The following FBXL17 variants were observed in gnomAD, a reference collection of about 807,000 sequenced individuals.
FBXL17 encodes the protein F-box and leucine rich repeat protein 17.
In FBXL17, 22 loss-of-function variants were observed where a neutral mutation model predicts 66.2. The observed-to-expected ratio is 0.33, with a 90% CI of 0.24 to 0.47. The LOEUF is 0.47. FBXL17 is among the 20% of genes least tolerant of loss of function. FBXL17 has a pLI of 1.00. For missense variants in FBXL17, 878 were observed against 948.2 expected (o/e 0.93, Z 0.97); for synonymous variants, 474 against 400.5 (o/e 1.18, Z -2.19).
chr5:108,002,254 C>T (rs894595350), intron 7 of FBXL17, among the ~76,000 whole-genome samples: 15 of 147,090 alleles, frequency 1.0e-4, no homozygotes, highest in Admixed American at 7.4e-4. Context: ...GAACTCCTGA[C>T]CTCAGGTGTT....
At chr5:108,035,581 G>A (rs1201761696) in intron 6 of FBXL17, among the ~76,000 whole-genome samples, 2 of 152,016 alleles carry the variant, frequency 1.3e-5, no homozygotes, top group Non-Finnish European at 2.9e-5. Context: ...TGGTCAGGCT[G>A]GTCTCAAACT....
At chr5:108,167,417 T>C (rs1053190482) in intron 6 of FBXL17, among the ~76,000 whole-genome samples, 6 of 147,354 alleles carry the variant, frequency 4.1e-5, no homozygotes, top group African/African-American at 1.3e-4. Flanking sequence ...CTAAGGTGGG[T>C]TCCCATTACC....
intron 5 of FBXL17, among the ~76,000 whole-genome samples, chr5:108,189,425 T>C (rs1753376888): frequency 6.6e-6 from 1 of 151,960 alleles, no homozygotes. Context: ...TTATTTTTCA[T>C]GAGAGGACGG....
chr5:108,313,275 C>G (rs531119496), intron 4 of FBXL17, among the ~76,000 whole-genome samples: 1 of 152,184 alleles, frequency 6.6e-6, no homozygotes, highest in South Asian at 2.1e-4. Flanking sequence ...CTGGAAGAAG[C>G]CTATCTACCA....
intron 6 of FBXL17, among the ~76,000 whole-genome samples, chr5:108,102,281 T>C (rs1217924005): frequency 1.3e-5 from 2 of 152,190 alleles, no homozygotes; most frequent in Non-Finnish European, 2.9e-5. Flanking sequence ...TCCGTATCTG[T>C]TTTCAGTATC....
chr5:108,025,051 A>G (rs1754747088), intron 6 of FBXL17, among the ~76,000 whole-genome samples: 1 of 152,324 alleles, frequency 6.6e-6, no homozygotes, highest in East Asian at 1.9e-4. Flanking sequence ...CCAAATTTTT[A>G]TGTTTTTTTG....
intron 6 of FBXL17, among the ~76,000 whole-genome samples, chr5:108,052,143 A>G (rs1342129017): frequency 6.7e-6 from 1 of 149,044 alleles, no homozygotes; most frequent in Non-Finnish European, 1.5e-5. Context: ...AAGAAAAAAG[A>G]AAAAAGACAA....
In FBXL17 at chr5:107,980,726, G is replaced by A. The variant is rs1306304132; in HGVS notation, c.1822+40199C>T. On this transcript the variant is annotated intron_variant, in intron 7 of 8. Coordinates refer to ENST00000542267, the MANE Select transcript of FBXL17 (RefSeq NM_001163315.3). ...GGCTGGAGTGCAGTGGCGCGATCTCGGCTCACTGTCAGCTCCGCCTCCCGG... is the reference window on the plus strand; with the variant it reads ...GGCTGGAGTGCAGTGGCGCGATCTCAGCTCACTGTCAGCTCCGCCTCCCGG... Among the ~76,000 whole-genome samples, 6 of 135,820 alleles carry A rather than the reference G, an allele frequency of 4.4e-5. No homozygotes were observed. In the South Asian group the frequency reaches 7.4e-4, roughly 17 times the overall value. 89.1% of individuals were successfully genotyped at this position (135,820 alleles called of 152,430 possible). A position where few individuals can be genotyped will look rare whatever the true frequency, so the allele number is the denominator to read the frequency against.
intron 7 of FBXL17, among the ~76,000 whole-genome samples, chr5:107,887,037 T>C (rs1748995781): frequency 1.3e-5 from 2 of 152,154 alleles, no homozygotes; most frequent in African/African-American, 4.8e-5. Flanking sequence ...GAAAACTAGT[T>C]AAATTTAAAT....
intron 4 of FBXL17, among the ~76,000 whole-genome samples, chr5:108,333,928 A>G (rs1760255084): frequency 6.6e-6 from 1 of 152,188 alleles, no homozygotes; most frequent in South Asian, 2.1e-4. Context: ...CTACGTGCCA[A>G]GCTCAGTACT....
chr5:108,126,692 T>C (rs946896698), intron 6 of FBXL17, among the ~76,000 whole-genome samples: 6 of 139,652 alleles, frequency 4.3e-5, no homozygotes, highest in Non-Finnish European at 6.2e-5. Flanking sequence ...TATACACACA[T>C]ACATAACATG....
chr5:108,157,723 TA>T (rs535503786), intron 6 of FBXL17, among the ~76,000 whole-genome samples: 9 of 151,656 alleles, frequency 5.9e-5, no homozygotes, highest in Admixed American at 5.9e-4. Flanking sequence ...AAGAAAATAT[TA>T]AAAAAAACTG....
chr5:108,372,539 A>G (rs928354801), intron 1 of FBXL17, among the ~76,000 whole-genome samples: 1 of 152,170 alleles, frequency 6.6e-6, no homozygotes, highest in African/African-American at 2.4e-5. Context: ...GAAAAATGCA[A>G]CTCGTGAAAA....
intron 7 of FBXL17, among the ~76,000 whole-genome samples, chr5:107,965,774 C>T (rs1210012627): frequency 6.6e-6 from 1 of 152,098 alleles, no homozygotes; most frequent in Non-Finnish European, 1.5e-5. Flanking sequence ...ATTTAGTGAT[C>T]TTGAAATAGA....
chr5:108,254,730 C>G (rs547883478), intron 4 of FBXL17, among the ~76,000 whole-genome samples: 1 of 152,128 alleles, frequency 6.6e-6, no homozygotes, highest in East Asian at 1.9e-4. Flanking sequence ...TATTTTCCCC[C>G]ACAAAGGTGA....
chr5:107,971,626 C>A (rs1011244536), intron 7 of FBXL17, among the ~76,000 whole-genome samples: 1 of 151,934 alleles, frequency 6.6e-6, no homozygotes, highest in Non-Finnish European at 1.5e-5. Context: ...CAGAACTGAC[C>A]GTAAATTAGG....
At chr5:108,302,302 A>C (rs1758626550) in intron 4 of FBXL17, among the ~76,000 whole-genome samples, 1 of 151,530 alleles carries the variant, frequency 6.6e-6, no homozygotes, top group African/African-American at 2.4e-5. Flanking sequence ...ATTTCTTTCC[A>C]AAAAAAAGGG....
intron 4 of FBXL17, among the ~76,000 whole-genome samples, chr5:108,316,051 T>A (rs2150208113): frequency 6.6e-6 from 1 of 151,498 alleles, no homozygotes; most frequent in East Asian, 1.9e-4. Flanking sequence ...AGGTCTTCAG[T>A]AATAAAATCT....
chr5:108,228,395 A>C (rs960800039), intron 4 of FBXL17, among the ~76,000 whole-genome samples: 2 of 152,046 alleles, frequency 1.3e-5, no homozygotes. Flanking sequence ...CTTCTCTGGG[A>C]CCCTGGAGTC....
Sources: allele counts gnomAD v4.1 joint callset (sites outside exome capture counted in the v4.1 genomes callset), GRCh38; gene constraint gnomAD v4.1.1; transcripts MANE v1.5; gene names NCBI Gene and HGNC (gene_info 2026-07-23, HGNC 2026-07-21).